ANO4: variants seen among roughly 807,000 people sequenced by gnomAD.
The protein encoded by ANO4 is anoctamin 4.
A neutral mutation model predicts 141.9 loss-of-function variants in ANO4; 69 were observed. That is an observed-to-expected ratio of 0.49 (90% CI 0.40 to 0.59). The LOEUF (loss-of-function observed/expected upper bound fraction) is 0.59, where lower values mean the gene tolerates loss of function less well. Ranked by LOEUF, ANO4 falls within the 20% of genes least tolerant of loss-of-function variation. ANO4 has a pLI of 0.00. For missense variants in ANO4, 894 were observed against 1,162.2 expected, an observed-to-expected ratio of 0.77 and a Z score of 3.36; for synonymous variants, 350 against 394.3, an observed-to-expected ratio of 0.89 and a Z score of 1.33.
At chr12:101,005,613 A>T (rs1427241807) in intron 8 of ANO4, among the ~76,000 whole-genome samples, 5 of 152,236 alleles carry the variant, frequency 3.3e-5, no homozygotes, top group African/African-American at 1.2e-4. Flanking sequence ...TGTAAATTGG[A>T]AATAATAAAA....
At chr12:101,101,957 G>A (rs554857908) in intron 22 of ANO4, among the ~76,000 whole-genome samples, 17 of 152,150 alleles carry the variant, frequency 1.1e-4, no homozygotes, top group African/African-American at 2.6e-4. Flanking sequence ...AGTGGCAGGC[G>A]TGTGTAATCC....
At chr12:100,827,303 G>C (rs1395377390) in intron 1 of ANO4, among the ~76,000 whole-genome samples, 1 of 151,856 alleles carries the variant, frequency 6.6e-6, no homozygotes, top group African/African-American at 2.4e-5. Flanking sequence ...TGCCAATACA[G>C]ATCTTCCATC....
At chr12:101,009,780 T>C (rs2046009637) in intron 8 of ANO4, among the ~76,000 whole-genome samples, 1 of 152,196 alleles carries the variant, frequency 6.6e-6, no homozygotes, top group South Asian at 2.1e-4. Flanking sequence ...AAAAATTTTC[T>C]TGAATAATTC....
chr12:101,091,766 T>C (rs545418213), intron 17 of ANO4, among the ~76,000 whole-genome samples: 1 of 152,116 alleles, frequency 6.6e-6, no homozygotes, highest in Non-Finnish European at 1.5e-5. Context: ...GATTTTTTAA[T>C]AATTATTATA....
chr12:101,039,959 G>A lies in ANO4; in HGVS notation c.902G>A (p.Ser301Asn), dbSNP rs1566162709. The A allele has an allele frequency of 6.2e-7, 1 of 1,610,948 alleles. No individual in the cohort carries two copies. Among genetic ancestry groups the A allele is most frequent in the Non-Finnish European group, 8.5e-7 (1 of 1,177,886 alleles). ...GCAGTGGTGTTTTTATCCCAGGGAA[G>A]TTATAGAAGTAAAAACTCCATTCGA... ...YEAAFPLHEG[S>N]YRSKNSIRTH... Residue 301 changes from serine (S) to asparagine (N), a missense_variant, in exon 11 of 28, where the codon AGT becomes AAT. Ser to Asn is a conservative substitution (Grantham distance 46, BLOSUM62 1). Coordinates refer to ENST00000392977, the MANE Select transcript of ANO4 (RefSeq NM_001286615.2).
At chr12:101,023,021 T>G (rs1348449082) in intron 9 of ANO4, among the ~76,000 whole-genome samples, 1 of 152,174 alleles carries the variant, frequency 6.6e-6, no homozygotes, top group African/African-American at 2.4e-5. Flanking sequence ...TATGAGACAC[T>G]AGTGTATTAA....
At chr12:101,022,058 A>C (rs80309509) in intron 9 of ANO4, among the ~76,000 whole-genome samples, 1 of 148,694 alleles carries the variant, frequency 6.7e-6, no homozygotes. Flanking sequence ...AAAAAAAAAA[A>C]AACACCTACT....
chr12:100,836,515 T>C (rs1593469739), intron 1 of ANO4, among the ~76,000 whole-genome samples: 1 of 97,914 alleles, frequency 1.0e-5, no homozygotes, highest in South Asian at 3.7e-4. Flanking sequence ...CAACAGGCCC[T>C]GGTATGTGAT....
At chr12:100,938,140 G>A (rs1045394984) in intron 3 of ANO4, among the ~76,000 whole-genome samples, 7 of 152,198 alleles carry the variant, frequency 4.6e-5, no homozygotes, top group Admixed American at 3.3e-4. Flanking sequence ...AAAGCTAAAA[G>A]TGTTGCCTAA....
intron 14 of ANO4, among the ~76,000 whole-genome samples, chr12:101,064,581 G>T (rs1053631503): frequency 2.6e-5 from 4 of 151,460 alleles, no homozygotes; most frequent in African/African-American, 9.7e-5. Flanking sequence ...TGGGTTATTG[G>T]GTGCAACAAA....
At chr12:100,831,802 G>A (rs753655344) in intron 1 of ANO4, among the ~76,000 whole-genome samples, 1 of 152,042 alleles carries the variant, frequency 6.6e-6, no homozygotes, top group Non-Finnish European at 1.5e-5. Context: ...CTTTGAACAA[G>A]CCATTTCACT....
intron 1 of ANO4, among the ~76,000 whole-genome samples, chr12:100,881,429 GAAA>G (rs74531908): frequency 7.3e-6 from 1 of 136,612 alleles, no homozygotes; most frequent in African/African-American, 2.6e-5. Context: ...TTATCTTTAG[GAAA>G]AAAAAAAAAA....
At chr12:101,051,504 G>T (rs1352804361) in intron 14 of ANO4, among the ~76,000 whole-genome samples, 1 of 152,172 alleles carries the variant, frequency 6.6e-6, no homozygotes, top group Non-Finnish European at 1.5e-5. Flanking sequence ...AGAATGAGTT[G>T]CCCCAAGTGT....
At chr12:100,852,302 G>A (rs1287753387) in intron 1 of ANO4, 1 of 152,180 alleles carries the variant, frequency 6.6e-6, no homozygotes, top group Non-Finnish European at 1.5e-5. Context: ...GTTGTGTTCA[G>A]ATGTATGTAA....
intron 5 of ANO4, among the ~76,000 whole-genome samples, chr12:100,960,442 G>A (rs59905880): frequency 0.17 from 25,176 of 151,536 alleles, 2,364 homozygotes; most frequent in East Asian, 0.42. Context: ...AGACTATACC[G>A]CTGTGTGCCC....
chr12:100,777,269 C>CTTTTTTTT (rs71091463), intron 3 of ANO4, among the ~76,000 whole-genome samples: 3 of 50,614 alleles, frequency 5.9e-5, no homozygotes, highest in African/African-American at 9.0e-5. Context: ...ATTTTTGTAT[C>CTTTTTTTT]TTTTTTTTTT....
intron 1 of ANO4, among the ~76,000 whole-genome samples, chr12:100,892,122 T>C (rs2135993330): frequency 6.6e-6 from 1 of 152,320 alleles, no homozygotes; most frequent in Non-Finnish European, 1.5e-5. Flanking sequence ...TTTGAATATA[T>C]CCACCACACA....
intron 1 of ANO4, among the ~76,000 whole-genome samples, chr12:100,881,787 T>C (rs2135958519): frequency 6.6e-6 from 1 of 152,354 alleles, no homozygotes; most frequent in East Asian, 1.9e-4. Context: ...GCAGTTGTCA[T>C]GGAAACTGTT....
chr12:100,792,178 C>T (rs1310726937), upstream of ANO4, among the ~76,000 whole-genome samples: 1 of 152,054 alleles, frequency 6.6e-6, no homozygotes, highest in Non-Finnish European at 1.5e-5. Flanking sequence ...TGTTGAAAGA[C>T]TGAGCTTGAA....
Sources: gnomAD v4.1 joint callset for allele counts (sites outside exome capture counted in the v4.1 genomes callset) on GRCh38, gnomAD v4.1.1 for gene constraint, MANE v1.5 for transcripts, NCBI Gene and HGNC (gene_info 2026-07-23, HGNC 2026-07-21) for gene names.